Variants in DNAH8 observed in about 807,000 individuals in gnomAD.
DNAH8 encodes the protein axonemal beta dynein heavy chain 8.
A neutral mutation model predicts 562.1 loss-of-function variants in DNAH8; 382 were observed. The ratio of observed to expected loss-of-function variants is 0.68; its 90% CI spans 0.63 to 0.74. DNAH8 has a LOEUF of 0.74. DNAH8 is among the 30% of genes least tolerant of loss of function. The probability of loss-of-function intolerance (pLI) is 0.00; values close to 1 mark genes in which losing one functional copy is unlikely to be tolerated. For synonymous variants in DNAH8, 1,881 were observed against 1,919.4 expected, an observed-to-expected ratio of 0.98 and a Z score of 0.52; for missense variants, 5,203 against 5,620.4, an observed-to-expected ratio of 0.93 and a Z score of 2.37.
chr6:38,729,864 T>C, intron 3 of DNAH8, 38 bp from the exon 4 acceptor site: 1 of 1,094,952 alleles, frequency 9.1e-7, no homozygotes, highest in East Asian at 2.5e-5. Flanking sequence ...GAATTTTTCC[T>C]TAGTCGTTTG....
rs1012568709 is a variant in DNAH8, at chr6:38,932,098, A to T, written c.11457+105A>T. 5 of 818,340 alleles carry T rather than the reference A, an allele frequency of 6.1e-6. No homozygotes were observed. The African/African-American group carries it at 9.0e-5, about 15-fold the overall frequency. The allele number at this position is 818,340 out of a possible 1,614,324, so 50.7% of individuals were successfully genotyped here. A position where few individuals can be genotyped will look rare whatever the true frequency, so the allele number is the denominator to read the frequency against. On this transcript the variant is annotated intron_variant, in intron 76 of 92. Transcript: ENST00000327475. ...AAAGAAAAAAAAATTTAAAAACCAT[A>T]TTTATCCTTGTTAACATAAGTATTT...
chr6:39,025,577 C>T (rs561902986), intron 91 of DNAH8, among the ~76,000 whole-genome samples: 8 of 152,192 alleles, frequency 5.3e-5, no homozygotes, highest in Non-Finnish European at 1.0e-4. Context: ...CAAGGGATCT[C>T]GACTCAGTGC....
chr6:38,730,353 A>G (rs1178250654), intron 4 of DNAH8, among the ~76,000 whole-genome samples: 2 of 152,204 alleles, frequency 1.3e-5, no homozygotes, highest in Non-Finnish European at 2.9e-5. Context: ...GTCCTATCTC[A>G]GCATCTTGTG....
At chr6:38,849,643 G>C (rs1738187) in intron 37 of DNAH8, among the ~76,000 whole-genome samples, 1 of 149,364 alleles carries the variant, frequency 6.7e-6, no homozygotes, top group Non-Finnish European at 1.5e-5. Flanking sequence ...AAACTGAAAT[G>C]TATCATTTTT....
chr6:38,734,334 C>CCCT, intron 4 of DNAH8, 140 bp from the exon 5 acceptor site: 1 of 822,894 alleles, frequency 1.2e-6, no homozygotes, highest in Non-Finnish European at 1.7e-6. Context: ...AGACCCCCCC[C>CCCT]CAAAAAAATT....
intron 84 of DNAH8, 108 bp downstream of exon 84, chr6:38,973,921 G>T: frequency 1.3e-6 from 1 of 770,182 alleles, no homozygotes; most frequent in Non-Finnish European, 2.1e-6. Flanking sequence ...TGTAGGGTCT[G>T]GACTGCAAGA....
chr6:38,950,869 T>C (rs540640870), intron 81 of DNAH8, among the ~76,000 whole-genome samples: 20 of 152,324 alleles, frequency 1.3e-4, no homozygotes, highest in African/African-American at 4.8e-4. Context: ...GTCTGTGCTT[T>C]ACCATATCAA....
chr6:38,915,921 TAC>T (rs1781282724), intron 68 of DNAH8, among the ~76,000 whole-genome samples: 3 of 152,138 alleles, frequency 2.0e-5, no homozygotes, highest in Admixed American at 6.5e-5. Context: ...CACACATATA[TAC>T]ACACGTGTAT....
chr6:38,866,933 A>G, intron 47 of DNAH8, 57 bp downstream of exon 47: 1 of 1,033,924 alleles, frequency 9.7e-7, no homozygotes, highest in Non-Finnish European at 1.5e-6. Context: ...TTTGCTTTGT[A>G]ATTTTCCCTT....
chr6:38,733,645 T>C (rs183427619), intron 4 of DNAH8, among the ~76,000 whole-genome samples: 1 of 152,340 alleles, frequency 6.6e-6, no homozygotes, highest in East Asian at 1.9e-4. Context: ...GCACGGTGGC[T>C]CACGCCTGTA....
intron 70 of DNAH8, among the ~76,000 whole-genome samples, chr6:38,920,132 G>A (rs1781594911): frequency 1.3e-5 from 2 of 152,052 alleles, no homozygotes; most frequent in South Asian, 4.1e-4. Flanking sequence ...TGTTTTTTAA[G>A]AGACAGGGTT....
At chr6:38,968,379 T>C (rs990237114) in intron 82 of DNAH8, among the ~76,000 whole-genome samples, 11 of 152,070 alleles carry the variant, frequency 7.2e-5, no homozygotes, top group African/African-American at 2.7e-4. Context: ...TATTTGCAAA[T>C]CATACATCTG....
intron 53 of DNAH8, 42 bp from the exon 54 acceptor site, chr6:38,882,868 A>C: frequency 7.3e-7 from 1 of 1,362,974 alleles, no homozygotes. Context: ...TAACTTTCAC[A>C]GAATATGGTT....
chr6:38,734,594 A>G lies in DNAH8; in HGVS notation c.731A>G (p.Asp244Gly). ...LCIFFVRCRN[D>G]VAINVKTIQE... ...ATATTTTTTGTTCGTTGCCGTAATG[A>G]TGTTGCTATAAATGTTAAAACTATT... The change falls in exon 5 of 93, where the codon GAT becomes GGT. Residue 244 changes from aspartate (D) to glycine (G), a missense_variant. Physicochemically the swap from Asp to Gly is moderately conservative, Grantham distance 94. This residue lies in a region of DNAH8 where 556 missense variants were observed against 496.9 expected (regional missense o/e 1.12). Coordinates refer to ENST00000327475, the MANE Select transcript of DNAH8 (RefSeq NM_001206927.2). 2 of 1,613,518 alleles carry G rather than the reference A, an allele frequency of 1.2e-6. No homozygotes were observed. Among genetic ancestry groups the G allele is most frequent in the Non-Finnish European group, 1.7e-6 (2 of 1,179,954 alleles).
At chr6:38,947,265 C>G (rs151289422) in intron 80 of DNAH8, among the ~76,000 whole-genome samples, 3 of 152,162 alleles carry the variant, frequency 2.0e-5, no homozygotes, top group Non-Finnish European at 2.9e-5. Flanking sequence ...AAAAGTTCAG[C>G]GGAGACCTGC....
intron 24 of DNAH8, 135 bp from the exon 25 acceptor site, chr6:38,813,919 A>G: frequency 1.4e-6 from 1 of 710,998 alleles, no homozygotes; most frequent in Non-Finnish European, 2.5e-6. Context: ...GGGTTCTGTT[A>G]TAAGTAATAT....
In DNAH8 at chr6:38,924,167, G is replaced by C. The variant is rs755648314; in HGVS notation, c.10962+5G>C. The C allele has an allele frequency of 6.2e-7, 1 of 1,611,774 alleles. No homozygotes were observed. Among genetic ancestry groups the C allele is most frequent in the Non-Finnish European group, 8.5e-7 (1 of 1,178,744 alleles). On this transcript the variant is annotated splice_donor_5th_base_variant and intron_variant, in intron 73 of 92. Transcript: ENST00000327475. ...ATGTTGGTGGATCCTCCAACTGTAA[G>C]TTTTACTTTCCCAATGTTATTTGAA...
intron 15 of DNAH8, among the ~76,000 whole-genome samples, chr6:38,780,649 A>G (rs769192817): frequency 1.5e-4 from 23 of 152,176 alleles, no homozygotes; most frequent in Non-Finnish European, 2.5e-4. Flanking sequence ...TTGAGTACAC[A>G]TGGACACAAA....
Position 38,857,460 on chromosome 6 carries a change from A to G in DNAH8, c.5734-58A>G, listed in dbSNP as rs913538176. 3.4e-6 allele frequency: 4 copies of G among 1,161,016 alleles called. No individual in the cohort carries two copies. In the African/African-American group the frequency reaches 6.2e-5, roughly 18 times the overall value. The allele number at this position is 1,161,016 out of a possible 1,614,324, so 71.9% of individuals were successfully genotyped here. A position where few individuals can be genotyped will look rare whatever the true frequency, so the allele number is the denominator to read the frequency against. ...TGTGAATAAGTGACCACCAAATTTT[A>G]TTGCAGATGTGCTTTAAATATTTGG... On this transcript the variant is annotated intron_variant, in intron 41 of 92. Coordinates refer to ENST00000327475, the MANE Select transcript of DNAH8 (RefSeq NM_001206927.2).
Sources: allele counts gnomAD v4.1 joint callset (sites outside exome capture counted in the v4.1 genomes callset), GRCh38; gene constraint gnomAD v4.1.1; regional missense constraint gnomAD v4.1.1; transcripts MANE v1.5; gene names NCBI Gene and HGNC (gene_info 2026-07-23, HGNC 2026-07-21).